ARHGAP6: variants seen among roughly 807,000 people sequenced by gnomAD.
ARHGAP6 encodes the protein Rho GTPase activating protein 6, also known as rho GTPase-activating protein 6.
A neutral mutation model predicts 55.7 loss-of-function variants in ARHGAP6; 16 were observed. The ratio of observed to expected loss-of-function variants is 0.29; its 90% CI spans 0.19 to 0.44. ARHGAP6 has a LOEUF of 0.44. ARHGAP6 is among the 20% of genes least tolerant of loss of function. The pLI is 1.00. For synonymous variants in ARHGAP6, 382 were observed against 360.9 expected (o/e 1.06, Z -0.66); for missense variants, 698 against 808.9 (o/e 0.86, Z 1.66).
At chrX:11,244,795 G>C (rs765663882) in intron 2 of ARHGAP6, among the ~76,000 whole-genome samples, 1 of 112,217 alleles carries the variant, frequency 8.9e-6, no homozygotes, top group South Asian at 3.7e-4. Flanking sequence ...AAAGTCTTGT[G>C]CAATAGTGGT....
chrX:11,407,641 T>A (rs2049626732), intron 1 of ARHGAP6, among the ~76,000 whole-genome samples: 1 of 112,099 alleles, frequency 8.9e-6, no homozygotes, highest in East Asian at 2.8e-4. Flanking sequence ...TTTCCCTACA[T>A]CCTCACCAAC....
intron 1 of ARHGAP6, among the ~76,000 whole-genome samples, chrX:11,456,628 CCAG>C (rs2147812866): frequency 9.0e-6 from 1 of 111,211 alleles, no homozygotes; most frequent in South Asian, 3.8e-4. Context: ...CTCCTTGGGC[CCAG>C]CAGAAGACAA....
At chrX:11,278,719 T>C (rs1354965563) in intron 1 of ARHGAP6, among the ~76,000 whole-genome samples, 1 of 111,948 alleles carries the variant, frequency 8.9e-6, no homozygotes. Context: ...GAAAAAGTTG[T>C]GCATGGTAGC....
intron 2 of ARHGAP6, among the ~76,000 whole-genome samples, chrX:11,211,447 T>A (rs182845845): frequency 1.0e-4 from 11 of 110,543 alleles, no homozygotes; most frequent in African/African-American, 3.6e-4. Flanking sequence ...AGCCAGGATG[T>A]TCTCAATCTC....
At chrX:11,261,976 T>G (rs1294787783) in intron 1 of ARHGAP6, among the ~76,000 whole-genome samples, 2 of 112,181 alleles carry the variant, frequency 1.8e-5, no homozygotes, top group Admixed American at 1.9e-4. Context: ...ATAAGTCTGC[T>G]GTTAAGCCCA....
chrX:11,168,622 G>A (rs765454365), intron 9 of ARHGAP6, among the ~76,000 whole-genome samples: 2 of 112,113 alleles, frequency 1.8e-5, no homozygotes. Context: ...AGAATTCTCG[G>A]TTGAAGGAAG....
intron 1 of ARHGAP6, among the ~76,000 whole-genome samples, chrX:11,257,888 AG>A (rs914474372): frequency 1.4e-4 from 16 of 111,775 alleles, no homozygotes; most frequent in Non-Finnish European, 3.0e-4. Context: ...GTTGAGTAAG[AG>A]GGGGCAGGGT....
chrX:11,511,164 G>A (rs1253974513), intron 1 of ARHGAP6, among the ~76,000 whole-genome samples: 1 of 112,169 alleles, frequency 8.9e-6, no homozygotes, highest in Non-Finnish European at 1.9e-5. Flanking sequence ...AAGAATCAGA[G>A]GATCTATGGT....
chrX:11,485,027 A>C (rs1007720718), intron 1 of ARHGAP6, among the ~76,000 whole-genome samples: 3 of 109,431 alleles, frequency 2.7e-5, no homozygotes, highest in Non-Finnish European at 3.8e-5. Context: ...AAACAAACAA[A>C]CAACAACAAC....
chrX:11,358,556 C>T (rs1248644275), intron 1 of ARHGAP6, among the ~76,000 whole-genome samples: 1 of 106,195 alleles, frequency 9.4e-6, no homozygotes, highest in East Asian at 2.9e-4. Context: ...CTCAGCTCAC[C>T]GCTACCTCTG....
chrX:11,500,663 C>CAAAAAAAAAA (rs995574477), intron 1 of ARHGAP6, among the ~76,000 whole-genome samples: 4 of 33,599 alleles, frequency 1.2e-4, no homozygotes, highest in African/African-American at 4.4e-4. Context: ...CAGACTCTGT[C>CAAAAAAAAAA]AAAAAAAAAA....
At chrX:11,182,388 G>C (rs1471334835) in intron 5 of ARHGAP6, among the ~76,000 whole-genome samples, 1 of 111,255 alleles carries the variant, frequency 9.0e-6, no homozygotes. Context: ...CTCCTTATCA[G>C]AGAAAATGAG....
At chrX:11,590,869 G>GAAAAGAAAAGAAAAGAAGGAAA (rs2051813205) in intron 1 of ARHGAP6, among the ~76,000 whole-genome samples, 9 of 24,209 alleles carry the variant, frequency 3.7e-4, no homozygotes, top group Non-Finnish European at 5.4e-4. Flanking sequence ...AAGAAAAGAA[G>GAAAAGAAAAGAAAAGAAGGAAA]GAAAGAAAGA....
intron 1 of ARHGAP6, among the ~76,000 whole-genome samples, chrX:11,560,287 T>A (rs1232638816): frequency 8.9e-6 from 1 of 112,261 alleles, no homozygotes; most frequent in Non-Finnish European, 1.9e-5. Context: ...TGCATATGAC[T>A]GTGTTCCAAT....
At chrX:11,605,648 A>G (rs888610241) in intron 1 of ARHGAP6, among the ~76,000 whole-genome samples, 10 of 111,701 alleles carry the variant, frequency 9.0e-5, no homozygotes, top group Non-Finnish European at 1.1e-4. Flanking sequence ...GAATTTCAAG[A>G]GCTTTTCCTC....
intron 1 of ARHGAP6, among the ~76,000 whole-genome samples, chrX:11,645,517 A>G (rs920903950): frequency 8.9e-6 from 1 of 111,856 alleles, no homozygotes; most frequent in Non-Finnish European, 1.9e-5. Flanking sequence ...TACATGGAAA[A>G]TGGTTTTATT....
intron 1 of ARHGAP6, among the ~76,000 whole-genome samples, chrX:11,650,141 C>A (rs1318753873): frequency 1.8e-5 from 2 of 109,109 alleles, no homozygotes; most frequent in Non-Finnish European, 3.8e-5. Flanking sequence ...ACTATAAGCA[C>A]CCACCACCAC....
At chrX:11,469,727 A>C (rs189038048) in intron 1 of ARHGAP6, among the ~76,000 whole-genome samples, 6 of 111,653 alleles carry the variant, frequency 5.4e-5, no homozygotes, top group Non-Finnish European at 7.5e-5. Context: ...GCCTACATAC[A>C]AGGAAGGGAA....
intron 1 of ARHGAP6, among the ~76,000 whole-genome samples, chrX:11,387,490 G>A (rs757027962): frequency 8.9e-5 from 10 of 111,786 alleles, no homozygotes; most frequent in Middle Eastern, 4.6e-3. Context: ...TTTGAACTTC[G>A]CAGGTAAATG....
Sources: allele counts gnomAD v4.1 joint callset (sites outside exome capture counted in the v4.1 genomes callset), GRCh38; gene constraint gnomAD v4.1.1; transcripts MANE v1.5; gene names NCBI Gene and HGNC (gene_info 2026-07-23, HGNC 2026-07-21).